HEATR5B: variants seen among roughly 807,000 people sequenced by gnomAD.
HEATR5B encodes the protein HEAT repeat containing 5B, also known as HEAT repeat-containing protein 5B.
A neutral mutation model predicts 224.1 loss-of-function variants in HEATR5B; 156 were observed. That is an observed-to-expected ratio of 0.70 (90% confidence interval 0.61 to 0.80). The LOEUF (loss-of-function observed/expected upper bound fraction) is 0.80, where lower values mean the gene tolerates loss of function less well. Ranked by LOEUF, HEATR5B falls within the 30% of genes least tolerant of loss-of-function variation. The pLI is 0.00. For synonymous variants in HEATR5B, 1,027 were observed against 893.0 expected (o/e 1.15, Z -2.68); for missense variants, 2,323 against 2,535.5 (o/e 0.92, Z 1.80).
chr2:37,006,197 T>C (rs1374172215), intron 29 of HEATR5B, among the ~76,000 whole-genome samples: 3 of 152,212 alleles, frequency 2.0e-5, no homozygotes, highest in African/African-American at 7.2e-5. Flanking sequence ...TTAATTTACA[T>C]AGGGGTAAAG....
At position 37,053,489 on chromosome 2, in the gene HEATR5B, TA is replaced by T. The variant is rs773720217; in HGVS notation, c.2505+12del. 5.4e-6 allele frequency: 8 copies of T among 1,478,542 alleles called. No homozygotes were observed. The African/African-American group carries it at 1.1e-4, about 21-fold the overall frequency. The allele number at this position is 1,478,542 out of a possible 1,614,324, so 91.6% of individuals were successfully genotyped here. A position where few individuals can be genotyped will look rare whatever the true frequency, so the allele number is the denominator to read the frequency against. ...AAACTTATTTCAGAATAGTATGTAT[TA>T]AAAGTAAATACCTTTAGTGCACTAA... is the stretch of plus-strand genomic sequence containing the variant. On this transcript the variant is annotated intron_variant, in intron 17 of 35. Transcript: ENST00000233099.
chr2:37,044,653 G>C (rs2148508611), intron 18 of HEATR5B, among the ~76,000 whole-genome samples: 1 of 152,310 alleles, frequency 6.6e-6, no homozygotes. Context: ...CAAAAGAGAA[G>C]CATATATTTA....
Position 37,008,613 on chromosome 2 carries a change from T to A in HEATR5B, c.4520A>T (p.Asp1507Val), listed in dbSNP as rs1667581680. 3 of 1,604,468 alleles carry A rather than the reference T, an allele frequency of 1.9e-6. No individual in the cohort carries two copies. The highest frequency in any genetic ancestry group is 1.3e-5 in the African/African-American group (1 of 74,714). Residue 1507 changes from aspartate (D) to valine (V), a missense_variant and splice_region_variant, in exon 28 of 36, where the codon GAT (aspartate) becomes GTT (valine). Asp to Val is a radical substitution (Grantham distance 152, BLOSUM62 -3). Around this residue, in one of 12 missense-constraint regions of HEATR5B, gnomAD observed 844 missense variants for 812.9 expected, o/e 1.04. Transcript: ENST00000233099. ...PAEFSSQLPP[D>V]GGAFYTPETI... ...AAAACTCAGAATGTAATACTCACCA[T>A]CTGGAGGAAGCTGACTAGAAAATTC... is the stretch of plus-strand genomic sequence containing the variant.
Position 37,019,841 on chromosome 2 carries a change from T to C in HEATR5B, c.4072A>G (p.Thr1358Ala). ...AALRPAFSQD[T>A]PSDIIAKACQ... ...GCTTTCGCTATTATATCTGATGGTG[T>C]ATCTTGTGAAAAGGCTGGTCTTAGA... The change falls in exon 26 of 36, where the codon ACA becomes GCA. Residue 1358 changes from threonine to alanine, a missense_variant. Transcript: ENST00000233099. 2 of 1,610,840 alleles carry C rather than the reference T, an allele frequency of 1.2e-6. No homozygotes were observed. Among genetic ancestry groups the C allele is most frequent in the Non-Finnish European group, 1.7e-6 (2 of 1,178,406 alleles).
chr2:37,013,131 T>TATA (rs1426282188), intron 27 of HEATR5B, among the ~76,000 whole-genome samples: 2 of 152,228 alleles, frequency 1.3e-5, no homozygotes, highest in Non-Finnish European at 2.9e-5. Flanking sequence ...AAGCTTAAAA[T>TATA]AATTATAACT....
chr2:37,061,392 T>C (rs1301865870), intron 11 of HEATR5B, among the ~76,000 whole-genome samples: 1 of 152,212 alleles, frequency 6.6e-6, no homozygotes, highest in Non-Finnish European at 1.5e-5. Flanking sequence ...GTCATAACTT[T>C]GTAGTACATA....
chr2:37,073,547 A>T (rs556791637), intron 5 of HEATR5B, among the ~76,000 whole-genome samples: 2 of 152,166 alleles, frequency 1.3e-5, no homozygotes, highest in Non-Finnish European at 2.9e-5. Flanking sequence ...CCCAGCCTGG[A>T]CGTTGACATT....
chr2:37,066,892 C>CA (rs1558369738), intron 8 of HEATR5B, among the ~76,000 whole-genome samples: 1 of 151,024 alleles, frequency 6.6e-6, no homozygotes, highest in Non-Finnish European at 1.5e-5. Context: ...TTTTTTGAGA[C>CA]AGAGTCTTGC....
chr2:37,078,030 A>G (rs13398178), intron 3 of HEATR5B, among the ~76,000 whole-genome samples: 4,013 of 152,312 alleles, frequency 0.026, 67 homozygotes, highest in Middle Eastern at 0.034. Flanking sequence ...AAAGTAGGAC[A>G]TGGTGGTTAA....
rs775378517 is a variant in HEATR5B, at chr2:37,065,960, T to A, written c.1178-50A>T. Reference sequence around the variant, plus strand: ...GACATAGGAGAAATGAATTGTGGTATGATTTTTTTGGTCTATACAATTTAT... The same window carrying A: ...GACATAGGAGAAATGAATTGTGGTAAGATTTTTTTGGTCTATACAATTTAT... On this transcript the variant is annotated intron_variant, in intron 8 of 35. Transcript: ENST00000233099. 1.0e-5 allele frequency: 16 copies of A among 1,542,760 alleles called. No individual in the cohort carries two copies. In the Admixed American group the frequency reaches 1.1e-4, roughly 10 times the overall value.
At chr2:37,008,944 T>C in intron 27 of HEATR5B, 96 bp from the exon 28 acceptor site, 3 of 840,856 alleles carry the variant, frequency 3.6e-6, no homozygotes, top group Non-Finnish European at 3.8e-6. Context: ...TCATCAAAGA[T>C]AACTGGGTAT....
intron 18 of HEATR5B, among the ~76,000 whole-genome samples, chr2:37,045,498 T>C (rs1670133849): frequency 6.6e-6 from 1 of 152,226 alleles, no homozygotes; most frequent in African/African-American, 2.4e-5. Context: ...TCAGGAGGTC[T>C]TTCTATTCTG....
intron 22 of HEATR5B, 82 bp from the exon 23 acceptor site, chr2:37,029,002 T>C: frequency 7.2e-7 from 1 of 1,388,638 alleles, no homozygotes; most frequent in Non-Finnish European, 9.9e-7. Context: ...GACCAAGTCT[T>C]ACATATAAAT....
chr2:36,990,409 C>T (rs1401145911), intron 34 of HEATR5B, among the ~76,000 whole-genome samples: 3 of 151,932 alleles, frequency 2.0e-5, no homozygotes, highest in African/African-American at 4.8e-5. Context: ...CTTGTCTCTA[C>T]CAGTATGCCC....
At position 37,032,642 on chromosome 2, in the gene HEATR5B, C is replaced by T; in HGVS notation, c.3348G>A (p.Glu1116=). The T allele has an allele frequency of 6.2e-7, 1 of 1,612,942 alleles. No homozygotes were observed. The highest frequency in any genetic ancestry group is 8.5e-7 in the Non-Finnish European group (1 of 1,179,720). ...MSLAKNTGDK[E]SSSANVSPFA... ...AATATAACTTACTGGCACTACTGCT[C>T]TCTTTGTCCCCTGTATTTTTTGCCA... Residue 1116 remains glutamate, a synonymous_variant, in exon 22 of 36, where the codon GAG becomes GAA. Coordinates refer to ENST00000233099, the MANE Select transcript of HEATR5B (RefSeq NM_019024.3).
intron 33 of HEATR5B, among the ~76,000 whole-genome samples, chr2:36,997,668 G>A (rs776854771): frequency 1.4e-5 from 2 of 147,000 alleles, no homozygotes; most frequent in Non-Finnish European, 1.5e-5. Context: ...CCAGGTTCAT[G>A]CCGTTCTCCT....
chr2:37,019,946 C>G (rs1431160099), intron 25 of HEATR5B, 69 bp from the exon 26 acceptor site: 1 of 1,122,436 alleles, frequency 8.9e-7, no homozygotes, highest in African/African-American at 1.6e-5. Context: ...CTCTATCACC[C>G]AGGCTGGAGT....
intron 21 of HEATR5B, among the ~76,000 whole-genome samples, chr2:37,033,087 G>A (rs749689963): frequency 4.5e-4 from 69 of 151,856 alleles, no homozygotes; most frequent in Admixed American, 1.0e-3. Context: ...CACCACGTTG[G>A]CCAGGCTGGT....
At chr2:37,068,053 T>G (rs1311350066) in intron 8 of HEATR5B, among the ~76,000 whole-genome samples, 1 of 152,168 alleles carries the variant, frequency 6.6e-6, no homozygotes, top group Non-Finnish European at 1.5e-5. Flanking sequence ...CTTTTAGTAT[T>G]GCTTTTATAT....
Sources: gnomAD v4.1 joint callset for allele counts (sites outside exome capture counted in the v4.1 genomes callset) on GRCh38, gnomAD v4.1.1 for gene constraint, gnomAD v4.1.1 regional missense constraint, MANE v1.5 for transcripts, NCBI Gene and HGNC (gene_info 2026-07-23, HGNC 2026-07-21) for gene names.